The following PCDHA13 variants were observed in gnomAD, a reference collection of about 807,000 sequenced individuals.
PCDHA13 encodes protocadherin alpha 13.
In PCDHA13, 54 loss-of-function variants were observed where a neutral mutation model predicts 64.8. The observed-to-expected ratio is 0.83, with a 90% CI of 0.67 to 1.04. The LOEUF (loss-of-function observed/expected upper bound fraction) is 1.04, where lower values mean the gene tolerates loss of function less well. PCDHA13 is among the 50% of genes least tolerant of loss of function. The pLI, the probability that PCDHA13 is intolerant of heterozygous loss-of-function variation, is 0.00. For synonymous variants in PCDHA13, 587 were observed against 564.4 expected, an observed-to-expected ratio of 1.04 and a Z score of -0.57; for missense variants, 1,248 against 1,254.3, an observed-to-expected ratio of 0.99 and a Z score of 0.08.
chr5:140,965,990 G>A (rs1292240100), intron 1 of PCDHA13, among the ~76,000 whole-genome samples: 4 of 152,194 alleles, frequency 2.6e-5, no homozygotes, highest in African/African-American at 9.6e-5. Context: ...ACTTTCTGCA[G>A]TACTTAAGAG....
chr5:140,886,841 A>AG (rs1432829346), intron 1 of PCDHA13, among the ~76,000 whole-genome samples: 1 of 151,546 alleles, frequency 6.6e-6, no homozygotes, highest in Non-Finnish European at 1.5e-5. Flanking sequence ...AAAAAAAAAA[A>AG]AAAAAAGAAA....
rs906170025 is a variant in PCDHA13 at position 140,935,893 on chromosome 5, T to C, written c.2395-43056T>C. Among the ~76,000 whole-genome samples, 23 of 129,968 alleles carry C rather than the reference T, an allele frequency of 1.8e-4. 1 individual carries two copies. In the Admixed American group the frequency reaches 1.8e-3, roughly 10 times the overall value. The allele number at this position is 129,968 out of a possible 152,430, so 85.3% of individuals were successfully genotyped here. A position where few individuals can be genotyped will look rare whatever the true frequency, so the allele number is the denominator to read the frequency against. ...AATGAGCTCCAATTTATCAATATTA[T>C]CTTTTTTTTTTTTTTTTGAGACAGA... On this transcript the variant is annotated intron_variant, in intron 1 of 3. Transcript: ENST00000289272.
chr5:140,890,499 TTA>T (rs1320014650), intron 1 of PCDHA13, among the ~76,000 whole-genome samples: 1 of 152,222 alleles, frequency 6.6e-6, no homozygotes, highest in Non-Finnish European at 1.5e-5. Flanking sequence ...CTCACCATTT[TTA>T]TGTCTCTATT....
intron 1 of PCDHA13, among the ~76,000 whole-genome samples, chr5:140,906,929 C>T (rs1488297059): frequency 3.9e-5 from 6 of 152,122 alleles, no homozygotes; most frequent in African/African-American, 9.7e-5. Flanking sequence ...AAAAGTGTCC[C>T]GGTGTCAATC....
At chr5:140,955,771 A>G (rs527455823) in intron 1 of PCDHA13, among the ~76,000 whole-genome samples, 1 of 152,168 alleles carries the variant, frequency 6.6e-6, no homozygotes, top group Admixed American at 6.5e-5. Context: ...GATTCTGTCT[A>G]TCCATGAGCA....
intron 3 of PCDHA13, among the ~76,000 whole-genome samples, chr5:140,992,330 C>A (rs1240004004): frequency 6.6e-6 from 1 of 152,070 alleles, no homozygotes. Context: ...TTTCTAAGAG[C>A]AAAGATGGAA....
At chr5:140,927,713 A>G in intron 1 of PCDHA13, 1 of 1,614,180 alleles carries the variant, frequency 6.2e-7, no homozygotes, top group Non-Finnish European at 8.5e-7. Flanking sequence ...TCCCTAAGCA[A>G]CAGCACGCAA....
At chr5:140,961,342 A>AC (rs2095605510) in intron 1 of PCDHA13, among the ~76,000 whole-genome samples, 1 of 152,164 alleles carries the variant, frequency 6.6e-6, no homozygotes, top group South Asian at 2.1e-4. Flanking sequence ...CCAAGAGTGG[A>AC]TCCCTGTAGT....
At chr5:140,940,795 A>G (rs2153647229) in intron 1 of PCDHA13, among the ~76,000 whole-genome samples, 1 of 152,276 alleles carries the variant, frequency 6.6e-6, no homozygotes, top group Non-Finnish European at 1.5e-5. Flanking sequence ...TGAAAATGAT[A>G]TTTGCCAGGA....
intron 1 of PCDHA13, among the ~76,000 whole-genome samples, chr5:140,969,920 A>G (rs1554232150): frequency 6.6e-6 from 1 of 152,226 alleles, no homozygotes; most frequent in African/African-American, 2.4e-5. Flanking sequence ...ATAAAGCTGT[A>G]GTATTTAGAC....
intron 1 of PCDHA13, among the ~76,000 whole-genome samples, chr5:140,959,857 T>G (rs1287315295): frequency 1.3e-5 from 2 of 152,204 alleles, no homozygotes; most frequent in African/African-American, 2.4e-5. Flanking sequence ...AAAGGAATTA[T>G]GTAGCAAAAT....
At chr5:140,895,949 T>C (rs1413820088) in intron 1 of PCDHA13, among the ~76,000 whole-genome samples, 1 of 152,256 alleles carries the variant, frequency 6.6e-6, no homozygotes, top group East Asian at 1.9e-4. Context: ...TAGCTGGGAT[T>C]ACAGGTGCCT....
At position 141,012,035 on chromosome 5, in the gene PCDHA13, G is replaced by A. The variant is rs908623831; in HGVS notation, c.*2098G>A. The A allele has an allele frequency of 1.3e-5, 2 of 153,684 alleles. No individual in the cohort carries two copies. The highest frequency in any genetic ancestry group is 2.9e-5 in the Non-Finnish European group (2 of 68,026). The allele number at this position is 153,684 out of a possible 1,614,324, so 9.5% of individuals were successfully genotyped here. A position where few individuals can be genotyped will look rare whatever the true frequency, so the allele number is the denominator to read the frequency against. On this transcript the variant is annotated 3_prime_UTR_variant, in exon 4 of 4. Coordinates refer to ENST00000289272, the MANE Select transcript of PCDHA13 (RefSeq NM_018904.3). The stretch of plus-strand genomic sequence containing the variant: ...TGTGTAACTTCAGCTCTGCAGGATT[G>A]CATGGGGTAAAACTTGTTACCAACA...
In PCDHA13 at chr5:140,883,112, A is replaced by G. The variant is rs141106500; in HGVS notation, c.844A>G (p.Arg282Gly). 408 of 1,614,156 alleles carry G rather than the reference A, an allele frequency of 2.5e-4. 3 individuals are homozygous for G. In the African/African-American group the frequency reaches 5.1e-3, roughly 20 times the overall value. ...AAATGGAGATATAGTTTACTCATTTAGAAGGCCTGTATGGCCTGCAGTGGT... is the reference window on the plus strand; with the variant it reads ...AAATGGAGATATAGTTTACTCATTTGGAAGGCCTGTATGGCCTGCAGTGGT... ...GTNGDIVYSFRRPVWPAVVYA... is the reference protein window; with the variant it reads ...GTNGDIVYSFGRPVWPAVVYA... The change falls in exon 1 of 4, where the codon AGA (arginine) becomes GGA (glycine). Residue 282 changes from arginine (R) to glycine (G), a missense_variant. Coordinates refer to ENST00000289272, the MANE Select transcript of PCDHA13 (RefSeq NM_018904.3).
chr5:140,981,959 A>C (rs76200785), intron 2 of PCDHA13, among the ~76,000 whole-genome samples: 3,104 of 152,312 alleles, frequency 0.02, 114 homozygotes, highest in African/African-American at 0.071. Flanking sequence ...TCATCTATGC[A>C]TAAAAGATAT....
chr5:140,941,214 C>CTTTCTTTCTTT (rs1554214039), intron 1 of PCDHA13, among the ~76,000 whole-genome samples: 7,707 of 122,054 alleles, frequency 0.063, 376 homozygotes, highest in South Asian at 0.093. Context: ...TTTCTTTCTT[C>CTTTCTTTCTTT]CTTTCTTTCT....
At position 140,884,053 on chromosome 5, in the gene PCDHA13, C is replaced by A. The variant is rs782043806; in HGVS notation, c.1785C>A (p.Arg595=). ...VGAGHVVAKV[R]AVDADSGYNA... The stretch of plus-strand genomic sequence containing the variant: ...CAGGCCACGTGGTGGCGAAGGTGCG[C>A]GCGGTGGACGCCGATTCGGGCTACA... The change falls in exon 1 of 4, where the codon CGC becomes CGA. Residue 595 remains arginine (R), a synonymous_variant. Transcript: ENST00000289272. 10 of 1,613,378 alleles carry A rather than the reference C, an allele frequency of 6.2e-6. No homozygotes were observed. The Admixed American group carries it at 1.2e-4, about 19-fold the overall frequency.
At chr5:140,915,840 G>A (rs1554197129) in intron 1 of PCDHA13, among the ~76,000 whole-genome samples, 1 of 152,142 alleles carries the variant, frequency 6.6e-6, no homozygotes, top group Admixed American at 6.5e-5. Context: ...AGATCAGCAG[G>A]GGGTGACACC....
At position 140,883,356 on chromosome 5, in the gene PCDHA13, C is replaced by A; in HGVS notation, c.1088C>A (p.Thr363Asn). The change falls in exon 1 of 4, where the codon ACT (threonine) becomes AAT (asparagine). Residue 363 changes from threonine to asparagine, a missense_variant. Coordinates refer to ENST00000289272, the MANE Select transcript of PCDHA13 (RefSeq NM_018904.3). ...TSLSLPIRED[T>N]QPSAIIALIS... ...TTGTCACTCCCCATCAGAGAAGACA[C>A]TCAGCCTAGCGCCATTATTGCCCTA... 6.2e-7 allele frequency: 1 copy of A among 1,614,190 alleles called. No homozygotes were observed. Among genetic ancestry groups the A allele is most frequent in the Non-Finnish European group, 8.5e-7 (1 of 1,180,034 alleles).
Sources: allele counts gnomAD v4.1 joint callset (sites outside exome capture counted in the v4.1 genomes callset), GRCh38; gene constraint gnomAD v4.1.1; transcripts MANE v1.5; gene names NCBI Gene and HGNC (gene_info 2026-07-23, HGNC 2026-07-21).